Variants in CYSLTR2 observed in about 807,000 individuals in gnomAD.
CYSLTR2 encodes the protein cysteinyl leukotriene receptor 2, also known as G-protein coupled receptor GPCR21.
For missense variants in CYSLTR2, 398 were observed against 411.9 expected (o/e 0.97, Z 0.29); for synonymous variants, 179 against 160.8 (o/e 1.11, Z -0.86).
At chr13:48,664,291 G>A (rs1441069955) in intron 1 of CYSLTR2, among the ~76,000 whole-genome samples, 1 of 151,826 alleles carries the variant, frequency 6.6e-6, no homozygotes, top group Admixed American at 6.6e-5. Context: ...TTTTTTTGTT[G>A]TTGTTGTTAT....
intron 1 of CYSLTR2, among the ~76,000 whole-genome samples, chr13:48,654,662 T>A (rs1386856082): frequency 1.3e-5 from 2 of 152,194 alleles, no homozygotes; most frequent in Non-Finnish European, 2.9e-5. Context: ...GTATGTGAGA[T>A]CATGAGCATA....
chr13:48,708,536 A>G lies in CYSLTR2; in HGVS notation c.*678A>G. The G allele has an allele frequency of 6.0e-6, 1 of 167,212 alleles. No homozygotes were observed. Among genetic ancestry groups the G allele is most frequent in the Non-Finnish European group, 1.5e-5 (1 of 68,130 alleles). 10.4% of individuals were successfully genotyped at this position (167,212 alleles called of 1,614,324 possible). ...TTGCCAGGGTATTAGGAAGGACAGG[A>G]AAAGTAGGAGGAGGATCTGGGGCAT... On this transcript the variant is annotated 3_prime_UTR_variant, in exon 5 of 5. Coordinates refer to ENST00000682523, the MANE Select transcript of CYSLTR2 (RefSeq NM_001308476.3).
intron 1 of CYSLTR2, among the ~76,000 whole-genome samples, chr13:48,672,667 G>C (rs573248418): frequency 1.4e-5 from 2 of 144,134 alleles, no homozygotes; most frequent in Admixed American, 7.1e-5. Flanking sequence ...ATTCAGGTTG[G>C]ACTGCAGTGG....
At chr13:48,661,622 G>C (rs1246116311) in intron 1 of CYSLTR2, among the ~76,000 whole-genome samples, 1 of 152,114 alleles carries the variant, frequency 6.6e-6, no homozygotes, top group Non-Finnish European at 1.5e-5. Context: ...AGAGAAGATA[G>C]GTCACTTCTG....
chr13:48,701,816 CTG>C (rs1555260513), intron 4 of CYSLTR2, among the ~76,000 whole-genome samples: 1 of 152,194 alleles, frequency 6.6e-6, no homozygotes, highest in Non-Finnish European at 1.5e-5. Flanking sequence ...GTTGGTGGGA[CTG>C]TAAACTAGTT....
intron 1 of CYSLTR2, among the ~76,000 whole-genome samples, chr13:48,668,755 C>T (rs569903293): frequency 2.0e-5 from 3 of 152,232 alleles, no homozygotes; most frequent in South Asian, 2.1e-4. Context: ...TATCCCTCCC[C>T]TTGTCCCCCA....
chr13:48,704,978 A>G (rs1270360500), intron 4 of CYSLTR2, among the ~76,000 whole-genome samples: 1 of 152,170 alleles, frequency 6.6e-6, no homozygotes, highest in East Asian at 1.9e-4. Flanking sequence ...TGGTGTTTTT[A>G]GTTTTTCTAT....
intron 3 of CYSLTR2, among the ~76,000 whole-genome samples, chr13:48,695,067 C>CTTTTTT (rs1278951741): frequency 2.7e-4 from 23 of 83,682 alleles, no homozygotes; most frequent in South Asian, 1.7e-3. Context: ...CAGAACCTGG[C>CTTTTTT]ATTTTTTTTT....
Position 48,699,160 on chromosome 13 carries a change from C to T in CYSLTR2, c.-2+2534C>T, listed in dbSNP as rs137931066. ...TATCCAGGAGTTGAACTCAGCTCTG[C>T]GCAAAGTGAACCTAATAGACATCTA... On this transcript the variant is annotated intron_variant, in intron 4 of 4. Coordinates refer to ENST00000682523, the MANE Select transcript of CYSLTR2 (RefSeq NM_001308476.3). Among the ~76,000 whole-genome samples the T allele has an allele frequency of 1.3e-4, 20 of 152,272 alleles. No homozygotes were observed. In the East Asian group the frequency reaches 2.5e-3, roughly 19 times the overall value.
At position 48,710,236 on chromosome 13, in the gene CYSLTR2, A is replaced by G. The variant is rs949050306; in HGVS notation, c.*2378A>G. On this transcript the variant is annotated 3_prime_UTR_variant, in exon 5 of 5. Transcript: ENST00000682523. ...TGGAAAATTCCAGAAATAATTCTTAAGTTTTAAAACATGTGCTGTTTTGAG... is the reference window on the plus strand; with the variant it reads ...TGGAAAATTCCAGAAATAATTCTTAGGTTTTAAAACATGTGCTGTTTTGAG... 6.6e-6 allele frequency: 1 copy of G among 152,192 alleles called. No homozygotes were observed. The highest frequency in any genetic ancestry group is 2.4e-5 in the African/African-American group (1 of 41,456). 9.4% of individuals were successfully genotyped at this position (152,192 alleles called of 1,614,324 possible).
chr13:48,676,488 G>A (rs116038159), intron 1 of CYSLTR2, among the ~76,000 whole-genome samples: 155 of 152,304 alleles, frequency 1.0e-3, no homozygotes, highest in African/African-American at 3.6e-3. Flanking sequence ...AAAGTCTGAG[G>A]TTAGGAAAGT....
In CYSLTR2 at chr13:48,706,838, C is replaced by A; in HGVS notation, c.21C>A (p.Ser7=). MERKFM[S]LQPSISVSEM... is the part of the protein sequence containing the mutation. Reference sequence around the variant, plus strand: ...CCAGCATGGAGAGAAAATTTATGTCCTTGCAACCATCCATCTCCGTATCAG... The same window carrying A: ...CCAGCATGGAGAGAAAATTTATGTCATTGCAACCATCCATCTCCGTATCAG... Residue 7 remains serine (S), a synonymous_variant, in exon 5 of 5, where the codon TCC becomes TCA. Transcript: ENST00000682523. The A allele has an allele frequency of 2.5e-6, 4 of 1,612,934 alleles. No individual in the cohort carries two copies. Among genetic ancestry groups the A allele is most frequent in the Non-Finnish European group, 3.4e-6 (4 of 1,179,182 alleles).
intron 1 of CYSLTR2, among the ~76,000 whole-genome samples, chr13:48,672,616 C>CTTTT (rs71076039): frequency 1.7e-4 from 21 of 120,104 alleles, no homozygotes; most frequent in Non-Finnish European, 3.3e-4. Context: ...CTTTTCTTTT[C>CTTTT]TTTTTTTTTT....
At chr13:48,684,390 A>G (rs932589005) in intron 1 of CYSLTR2, among the ~76,000 whole-genome samples, 7 of 151,592 alleles carry the variant, frequency 4.6e-5, no homozygotes, top group African/African-American at 1.7e-4. Flanking sequence ...ACATTCCCAT[A>G]AGGTATAAAA....
chr13:48,699,831 G>A (rs1954293529), intron 4 of CYSLTR2, among the ~76,000 whole-genome samples: 1 of 152,076 alleles, frequency 6.6e-6, no homozygotes. Flanking sequence ...AAATAATAAA[G>A]GGGATATCAC....
At chr13:48,670,704 G>A (rs961916810) in intron 1 of CYSLTR2, among the ~76,000 whole-genome samples, 2 of 152,194 alleles carry the variant, frequency 1.3e-5, no homozygotes, top group Non-Finnish European at 2.9e-5. Context: ...TTTGAAGTCA[G>A]ATAGTGTTAT....
chr13:48,687,984 A>G (rs1953938871), intron 1 of CYSLTR2, among the ~76,000 whole-genome samples: 2 of 152,222 alleles, frequency 1.3e-5, no homozygotes, highest in Non-Finnish European at 2.9e-5. Flanking sequence ...AAATCCCTTC[A>G]GTGAAGTCAA....
chr13:48,667,319 G>A (rs1953289800), intron 1 of CYSLTR2, among the ~76,000 whole-genome samples: 1 of 152,204 alleles, frequency 6.6e-6, no homozygotes, highest in South Asian at 2.1e-4. Flanking sequence ...GTTTGCTAGG[G>A]TTAAGGCCAT....
At chr13:48,697,071 C>T (rs1252542554) in intron 4 of CYSLTR2, among the ~76,000 whole-genome samples, 2 of 152,196 alleles carry the variant, frequency 1.3e-5, no homozygotes, top group Non-Finnish European at 2.9e-5. Context: ...TTTGTAGACT[C>T]CACCTCTGGG....
Sources: gnomAD v4.1 joint callset for allele counts (sites outside exome capture counted in the v4.1 genomes callset) on GRCh38, gnomAD v4.1.1 for gene constraint, MANE v1.5 for transcripts, NCBI Gene and HGNC (gene_info 2026-07-23, HGNC 2026-07-21) for gene names.